R3HCC1: variants seen among roughly 807,000 people sequenced by gnomAD.
R3HCC1 encodes R3H and coiled-coil domain-containing protein 1.
In R3HCC1, 32 loss-of-function variants were observed where a neutral mutation model predicts 40.0. The observed-to-expected ratio is 0.80, with a 90% CI of 0.60 to 1.07. The LOEUF (loss-of-function observed/expected upper bound fraction) is 1.07, where lower values mean the gene tolerates loss of function less well. Among genes scored for constraint, R3HCC1 ranks in the 50% least tolerant of loss-of-function variants. The pLI is 0.00. For missense variants in R3HCC1, 586 were observed against 563.3 expected, an observed-to-expected ratio of 1.04 and a Z score of -0.41; for synonymous variants, 237 against 232.8, an observed-to-expected ratio of 1.02 and a Z score of -0.17.
At chr8:23,288,654 A>T in intron 2 of R3HCC1, 21 bp downstream of exon 2, 1 of 1,534,234 alleles carries the variant, frequency 6.5e-7, no homozygotes, top group Non-Finnish European at 8.7e-7. Flanking sequence ...GTGAGGGGCG[A>T]GGGTGCCGCC....
At chr8:23,294,936 C>CGT (rs923768744) in intron 7 of R3HCC1, 72 bp downstream of exon 7, 34 of 1,040,464 alleles carry the variant, frequency 3.3e-5, no homozygotes, top group South Asian at 1.2e-4. Context: ...TGTGTGTGTG[C>CGT]GTGTGTGTGT....
chr8:23,289,950 C>T lies in R3HCC1; in HGVS notation c.333C>T (p.Ser111=). Reference sequence around the variant, plus strand: ...GGTACCACGGTCCTCGGCCCATCTCCAACCAAGGAGCAGCTGCGGTTCCCC... The same window carrying T: ...GGTACCACGGTCCTCGGCCCATCTCTAACCAAGGAGCAGCTGCGGTTCCCC... The change falls in exon 4 of 8, where the codon TCC becomes TCT. Residue 111 remains serine (S), a synonymous_variant. Transcript: ENST00000265806. 6.5e-7 allele frequency: 1 copy of T among 1,536,240 alleles called. No individual in the cohort carries two copies. Among genetic ancestry groups the T allele is most frequent in the African/African-American group, 1.4e-5 (1 of 73,184 alleles).
rs937173636 is a variant in R3HCC1 at position 23,293,244 on chromosome 8, C to G, written c.1026-59C>G. On this transcript the variant is annotated intron_variant, in intron 5 of 7. Transcript: ENST00000265806. ...GGCGAGGGGGTGTGGCTGCGGGATT[C>G]GAAGAGGAGTTTGACTGCTTGCTTT... The G allele has an allele frequency of 9.2e-6, 13 of 1,417,504 alleles. No homozygotes were observed. The Admixed American group carries it at 1.0e-4, about 11-fold the overall frequency. The allele number at this position is 1,417,504 out of a possible 1,614,324, so 87.8% of individuals were successfully genotyped here.
rs751233757 is a variant in R3HCC1, at chr8:23,288,518, G to T, written c.-6G>T. ...GTCTCTCTTACAGGCTCTCCCACCT[G>T]TCACCCTGGCCCTTCTCTGCTTGGA... is the stretch of plus-strand genomic sequence containing the variant. On this transcript the variant is annotated 5_prime_UTR_variant, in exon 2 of 8. Coordinates refer to ENST00000265806, the MANE Select transcript of R3HCC1 (RefSeq NM_001136108.3). 2 of 1,536,032 alleles carry T rather than the reference G, an allele frequency of 1.3e-6. No homozygotes were observed. The highest frequency in any genetic ancestry group is 2.4e-5 in the South Asian group (2 of 84,054).
At chr8:23,295,294 A>C (rs1228633763) in intron 7 of R3HCC1, among the ~76,000 whole-genome samples, 1 of 152,156 alleles carries the variant, frequency 6.6e-6, no homozygotes, top group African/African-American at 2.4e-5. Context: ...AGTGACACTG[A>C]GGAAGTCACT....
At chr8:23,291,058 C>T (rs1802857066) in intron 4 of R3HCC1, 4 of 262,802 alleles carry the variant, frequency 1.5e-5, no homozygotes, top group African/African-American at 8.7e-5. Flanking sequence ...AATTACTTAA[C>T]TCTTGGGCCT....
chr8:23,291,339 C>G, intron 4 of R3HCC1, 22 bp from the exon 5 acceptor site: 1 of 1,541,690 alleles, frequency 6.5e-7, no homozygotes, highest in Non-Finnish European at 8.8e-7. Flanking sequence ...GCTCCCCTTG[C>G]TAAGGGTCCG....
intron 4 of R3HCC1, 160 bp from the exon 5 acceptor site, chr8:23,291,201 C>A: frequency 9.9e-7 from 1 of 1,012,674 alleles, no homozygotes; most frequent in Non-Finnish European, 1.4e-6. Context: ...ACCCATGCGT[C>A]TTGACGTCTT....
intron 7 of R3HCC1, chr8:23,295,605 T>TA (rs1439240380): frequency 1.7e-5 from 8 of 460,802 alleles, no homozygotes; most frequent in Non-Finnish European, 3.4e-5. Flanking sequence ...CTTGGAACAA[T>TA]AAATATCCTG....
rs1802784727 is a variant in R3HCC1 at position 23,288,317 on chromosome 8, G to C, written c.-19+160G>C. The C allele has an allele frequency of 4.4e-6, 5 of 1,124,436 alleles. No individual in the cohort carries two copies. In the South Asian group the frequency reaches 4.8e-5, roughly 11 times the overall value. The allele number at this position is 1,124,436 out of a possible 1,614,324, so 69.7% of individuals were successfully genotyped here. A position where few individuals can be genotyped will look rare whatever the true frequency, so the allele number is the denominator to read the frequency against. Reference sequence around the variant, plus strand: ...AGCATCCGACCGCAGGCGGGGACGAGAGCCTTGGGCAGGAGCCAGGAGACC... The same window carrying C: ...AGCATCCGACCGCAGGCGGGGACGACAGCCTTGGGCAGGAGCCAGGAGACC... On this transcript the variant is annotated intron_variant, in intron 1 of 7. Transcript: ENST00000265806.
At position 23,291,453 on chromosome 8, in the gene R3HCC1, C is replaced by T. The variant is rs1460781289; in HGVS notation, c.945C>T (p.Asp315=). 2.3e-5 allele frequency: 36 copies of T among 1,551,542 alleles called. No homozygotes were observed. Among genetic ancestry groups the T allele is most frequent in the Non-Finnish European group, 3.1e-5 (35 of 1,146,956 alleles). ...TGGAGGAGCTGCCTGGAGAGAAGGACCTTGCCCACGTGGTAGAGATCTATG... is the reference window on the plus strand; with the variant it reads ...TGGAGGAGCTGCCTGGAGAGAAGGATCTTGCCCACGTGGTAGAGATCTATG... Residue 315 remains aspartate, a synonymous_variant, in exon 5 of 8, where the codon GAC becomes GAT. Transcript: ENST00000265806.
intron 3 of R3HCC1, among the ~76,000 whole-genome samples, chr8:23,289,463 G>A (rs931776383): frequency 1.3e-5 from 2 of 152,228 alleles, no homozygotes; most frequent in African/African-American, 4.8e-5. Context: ...GTGTCCCACA[G>A]AGACCAGAAA....
chr8:23,290,380 G>T lies in R3HCC1; in HGVS notation c.763G>T (p.Val255Leu). The change falls in exon 4 of 8, where the codon GTG (valine) becomes TTG (leucine). Residue 255 changes from valine (V) to leucine (L), a missense_variant. Physicochemically the swap from Val to Leu is conservative, Grantham distance 32 (BLOSUM62 1). Coordinates refer to ENST00000265806, the MANE Select transcript of R3HCC1 (RefSeq NM_001136108.3). ...GGAGAGTCTGTTGGAGAAGAGGCTG[G>T]TGGCAGAGGAGGAAGAGGACGAAGA... The T allele has an allele frequency of 6.4e-7, 1 of 1,551,862 alleles. No individual in the cohort carries two copies. Among genetic ancestry groups the T allele is most frequent in the Non-Finnish European group, 8.7e-7 (1 of 1,147,050 alleles).
intron 4 of R3HCC1, 33 bp downstream of exon 4, chr8:23,290,502 C>CCCT (rs1802844640): frequency 6.6e-7 from 1 of 1,524,418 alleles, no homozygotes; most frequent in Non-Finnish European, 8.8e-7. Flanking sequence ...AAAGGGAGGG[C>CCCT]GGAGGTGAGG....
At chr8:23,288,096 G>A (rs1316329401), upstream of R3HCC1, 4 of 1,272,520 alleles carry the variant, frequency 3.1e-6, no homozygotes, top group East Asian at 1.7e-4. Context: ...TCTCTCTAGG[G>A]CGCTCGGGCG....
chr8:23,291,178 G>A, intron 4 of R3HCC1, 183 bp from the exon 5 acceptor site: 1 of 667,770 alleles, frequency 1.5e-6, no homozygotes. Context: ...ACAAGTAAGT[G>A]CCCTCCCGTA....
At chr8:23,288,399 C>T (rs1242436952) in intron 1 of R3HCC1, 107 bp from the exon 2 acceptor site, 3 of 1,440,600 alleles carry the variant, frequency 2.1e-6, no homozygotes, top group African/African-American at 2.8e-5. Flanking sequence ...CGCCACCGAG[C>T]CTTGGACCAG....
In R3HCC1 at chr8:23,294,822, C is replaced by A. The variant is rs1187708918; in HGVS notation, c.1150C>A (p.Gln384Lys). Residue 384 changes from glutamine to lysine, a missense_variant, in exon 7 of 8, where the codon CAG becomes AAG. By Grantham distance (53) the Gln-to-Lys change is moderately conservative. Transcript: ENST00000265806. Reference sequence around the variant, plus strand: ...GGTGCTCAAGATCCGGCCCCTCACACAGGGAACCAAGCAGTCAAAGCTCAA... The same window carrying A: ...GGTGCTCAAGATCCGGCCCCTCACAAAGGGAACCAAGCAGTCAAAGCTCAA... 1 of 1,551,416 alleles carries A rather than the reference C, an allele frequency of 6.4e-7. No individual in the cohort carries two copies. The highest frequency in any genetic ancestry group is 8.7e-7 in the Non-Finnish European group (1 of 1,146,926).
Position 23,290,033 on chromosome 8 carries a change from T to G in R3HCC1, c.416T>G (p.Val139Gly), listed in dbSNP as rs1390400303. Residue 139 changes from valine to glycine, a missense_variant, in exon 4 of 8, where the codon GTG (valine) becomes GGG (glycine). Physicochemically the swap from Val to Gly is moderately radical, Grantham distance 109 (BLOSUM62 -3). Coordinates refer to ENST00000265806, the MANE Select transcript of R3HCC1 (RefSeq NM_001136108.3). ...CGCAAGCCTGACCAGCCTTTGTATG[T>G]GCCCCGGGTGCTGCGCAGGCAGGAA... is the stretch of plus-strand genomic sequence containing the variant. 2 of 1,542,320 alleles carry G rather than the reference T, an allele frequency of 1.3e-6. No individual in the cohort carries two copies. Among genetic ancestry groups the G allele is most frequent in the Admixed American group, 2.0e-5 (1 of 51,010 alleles).
Sources: gnomAD v4.1 joint callset for allele counts (sites outside exome capture counted in the v4.1 genomes callset) on GRCh38, gnomAD v4.1.1 for gene constraint, MANE v1.5 for transcripts, NCBI Gene and HGNC (gene_info 2026-07-23, HGNC 2026-07-21) for gene names.